PARP10: variants seen among roughly 807,000 people sequenced by gnomAD.
PARP10 encodes protein mono-ADP-ribosyltransferase PARP10.
A neutral mutation model predicts 82.4 loss-of-function variants in PARP10; 56 were observed. The observed-to-expected ratio is 0.68, with a 90% CI of 0.55 to 0.85. PARP10 has a LOEUF of 0.85. Among genes scored for constraint, PARP10 ranks in the 40% least tolerant of loss-of-function variants. The pLI is 0.00. For missense variants in PARP10, 1,227 were observed against 1,379.4 expected (o/e 0.89, Z 1.75); for synonymous variants, 576 against 601.1 (o/e 0.96, Z 0.61).
upstream of PARP10, chr8:143,991,536 C>T (rs1284312870): frequency 2.0e-6 from 3 of 1,476,412 alleles, no homozygotes; most frequent in East Asian, 2.3e-5. Flanking sequence ...GGGGCCATAT[C>T]CCCAGAGCCC....
chr8:143,994,084 C>T (rs1035846944), upstream of PARP10, among the ~76,000 whole-genome samples: 1 of 152,214 alleles, frequency 6.6e-6, no homozygotes, highest in Admixed American at 6.5e-5. Flanking sequence ...CACCCCGCGG[C>T]TCTAGGCCCA....
In PARP10 at chr8:143,984,841, T is replaced by C. The variant is rs781934647; in HGVS notation, c.1161A>G (p.Pro387=). Residue 387 remains proline (P), a synonymous_variant, in exon 5 of 11, where the codon CCA becomes CCG. Transcript: ENST00000313028. The stretch of plus-strand genomic sequence containing the variant: ...CCAGCAACCCCTTAGAGGTCTCCAC[T>C]GGGCCTGCAGACCCCACAGGCCCCA... ...MSLGPVGSAG[P]VETSKGLLGQ... 45 of 1,612,544 alleles carry C rather than the reference T, an allele frequency of 2.8e-5. 1 individual carries two copies. The South Asian group carries it at 3.5e-4, about 13-fold the overall frequency.
upstream of PARP10, chr8:143,991,878 G>A: frequency 6.2e-7 from 1 of 1,610,774 alleles, no homozygotes; most frequent in Non-Finnish European, 8.5e-7. Flanking sequence ...CCTTCCCCAG[G>A]TGTTCCTAGT....
At position 143,986,362 on chromosome 8, in the gene PARP10, CCCGTGG is replaced by C; in HGVS notation, c.-9_-4del. On this transcript the variant is annotated 5_prime_UTR_variant, in exon 1 of 11. Transcript: ENST00000313028. ...GGCCCCACATACAGCACTTACATTC[CCCGTGG>C]CCGCTAGGCAGCCTCAGGCCATGAG... is the stretch of plus-strand genomic sequence containing the variant. 1 of 1,614,178 alleles carries C rather than the reference CCCGTGG, an allele frequency of 6.2e-7. No homozygotes were observed.
At chr8:143,993,422 CT>C (rs1554750925), upstream of PARP10, 2 of 156,978 alleles carry the variant, frequency 1.3e-5, no homozygotes, top group African/African-American at 4.8e-5. Flanking sequence ...CTGCCTTCCC[CT>C]GGTCACTCTT....
At chr8:144,004,337 C>A (rs1335680118) in intron 1 of PARP10, among the ~76,000 whole-genome samples, 1 of 151,914 alleles carries the variant, frequency 6.6e-6, no homozygotes, top group African/African-American at 2.4e-5. Context: ...GCCAGGACTG[C>A]GGGGAGGGGA....
chr8:143,984,809 T>A lies in PARP10; in HGVS notation c.1193A>T (p.Glu398Val). The A allele has an allele frequency of 1.2e-6, 2 of 1,612,480 alleles. No homozygotes were observed. Among genetic ancestry groups the A allele is most frequent in the Non-Finnish European group, 1.7e-6 (2 of 1,179,008 alleles). Reference sequence around the variant, plus strand: ...GTCCATGGCAATTTCCACCAGGCCCTCCTGCCCCAGCAACCCCTTAGAGGT... The same window carrying A: ...GTCCATGGCAATTTCCACCAGGCCCACCTGCCCCAGCAACCCCTTAGAGGT... ...VETSKGLLGQ[E>V]GLVEIAMDSP... The change falls in exon 5 of 11, where the codon GAG (glutamate) becomes GTG (valine). Residue 398 changes from glutamate (E) to valine (V), a missense_variant. Physicochemically the swap from Glu to Val is moderately radical, Grantham distance 121. Transcript: ENST00000313028.
At chr8:143,995,646 C>T (rs373727630), upstream of PARP10, among the ~76,000 whole-genome samples, 318 of 152,242 alleles carry the variant, frequency 2.1e-3, 1 homozygote, top group African/African-American at 7.4e-3. Context: ...TTGTAGGCCT[C>T]AGTGTTGCTA....
rs1166046102 is a variant in PARP10, at chr8:143,980,321, A to C, written c.2557-2240T>G. On this transcript the variant is annotated intron_variant, in intron 9 of 10. Coordinates refer to ENST00000313028, the MANE Select transcript of PARP10 (RefSeq NM_032789.5). ...GGCTACTGAGTGAGATTCCGTCTCA[A>C]AAAAAAAAAAAAAAAAAAAAAAAAA... Among the ~76,000 whole-genome samples, 5 of 110,290 alleles carry C rather than the reference A, an allele frequency of 4.5e-5. No individual in the cohort carries two copies. The East Asian group carries it at 1.1e-3, about 24-fold the overall frequency. 72.4% of individuals were successfully genotyped at this position (110,290 alleles called of 152,430 possible).
chr8:144,002,597 T>A (rs1219933119), intron 1 of PARP10, among the ~76,000 whole-genome samples: 3 of 151,970 alleles, frequency 2.0e-5, no homozygotes, highest in African/African-American at 7.3e-5. Flanking sequence ...AAAAAAGGAA[T>A]ATAACAGAAA....
intron 1 of PARP10, among the ~76,000 whole-genome samples, chr8:144,007,779 C>A (rs1199549024): frequency 6.6e-6 from 1 of 152,144 alleles, no homozygotes; most frequent in Non-Finnish European, 1.5e-5. Context: ...CGGCACCAAG[C>A]CCTGACCTTG....
intron 1 of PARP10, among the ~76,000 whole-genome samples, chr8:144,001,675 C>A (rs1010846207): frequency 6.6e-6 from 1 of 152,026 alleles, no homozygotes; most frequent in African/African-American, 2.4e-5. Flanking sequence ...CATTGCACAC[C>A]AGCCTGGGCA....
upstream of PARP10, chr8:143,992,986 A>G (rs971533141): frequency 1.0e-5 from 7 of 670,268 alleles, no homozygotes; most frequent in East Asian, 1.4e-4. Flanking sequence ...ACCCTCCTGT[A>G]TGTACACTGC....
In PARP10 at chr8:143,984,112, G is replaced by A; in HGVS notation, c.1681-8C>T. On this transcript the variant is annotated splice_polypyrimidine_tract_variant and splice_region_variant and intron_variant, in intron 6 of 10. Transcript: ENST00000313028. ...GGCCTCGGTAGGGTCCACCTGTAGG[G>A]AGAGGATGTCAGGACCACTAGCCTC... is the stretch of plus-strand genomic sequence containing the variant. The A allele has an allele frequency of 6.4e-7, 1 of 1,559,488 alleles. No individual in the cohort carries two copies. Among genetic ancestry groups the A allele is most frequent in the Middle Eastern group, 1.7e-4 (1 of 5,754 alleles).
In PARP10 at chr8:143,983,584, G is replaced by A; in HGVS notation, c.2005C>T (p.Gln669Ter). 1 of 1,606,264 alleles carries A rather than the reference G, an allele frequency of 6.2e-7. No homozygotes were observed. The highest frequency in any genetic ancestry group is 1.3e-5 in the African/African-American group (1 of 74,918). Residue 669 changes from glutamine (Q) to a stop codon, truncating the protein, a stop_gained, in exon 8 of 11, where the codon CAG becomes TAG. Transcript: ENST00000313028. LOFTEE classifies it high-confidence loss of function. ...ALHRSLEPQG[Q>*]VAEQEEAAAL... ...GCAGCCTCCTCCTGCTCAGCCACCT[G>A]ACCTTGAGGCTCCAGTGACCGGTGG... is the stretch of plus-strand genomic sequence containing the variant.
intron 8 of PARP10, 42 bp downstream of exon 8, chr8:143,983,125 C>G (rs782701022): frequency 1.2e-6 from 2 of 1,612,246 alleles, no homozygotes; most frequent in Non-Finnish European, 1.7e-6. Flanking sequence ...CCCCTGCTAA[C>G]CAGCCCACCC....
chr8:143,985,877 G>A lies in PARP10; in HGVS notation c.280C>T (p.Gln94Ter). The change falls in exon 3 of 11, where the codon CAA becomes TAA. Residue 94 changes from glutamine to a stop codon, truncating the protein, a stop_gained. Transcript: ENST00000313028. LOFTEE classifies it high-confidence loss of function. ...GGCGTGGTGCCAGGGGGCAGTCCTT[G>A]GAGCAGCAGGCGTGCAGGGGCTCGT... ...PPRAPARLLL[Q>*]GLPPGTTPQR... 1.9e-6 allele frequency: 3 copies of A among 1,601,082 alleles called. No individual in the cohort carries two copies. The highest frequency in any genetic ancestry group is 1.1e-5 in the South Asian group (1 of 90,294).
upstream of PARP10, chr8:143,991,462 C>T: frequency 1.3e-6 from 2 of 1,495,918 alleles, no homozygotes; most frequent in Non-Finnish European, 1.8e-6. Context: ...GGGGGCTACC[C>T]ACAGGGCCCC....
intron 1 of PARP10, among the ~76,000 whole-genome samples, chr8:144,009,539 A>G (rs1834258559): frequency 1.3e-5 from 2 of 152,050 alleles, no homozygotes; most frequent in Non-Finnish European, 1.5e-5. Flanking sequence ...TCATCCGCTC[A>G]TACAGATCCA....
Sources: allele counts gnomAD v4.1 joint callset (sites outside exome capture counted in the v4.1 genomes callset), GRCh38; gene constraint gnomAD v4.1.1; transcripts MANE v1.5; gene names NCBI Gene and HGNC (gene_info 2026-07-23, HGNC 2026-07-21).